The following ZEB2 variants were observed in gnomAD, a reference collection of about 807,000 sequenced individuals.
ZEB2 encodes the protein zinc finger E-box-binding homeobox 2.
Under a neutral mutation model 99.9 loss-of-function variants are expected in ZEB2, and 6 were observed. The ratio of observed to expected loss-of-function variants is 0.06; its 90% confidence interval spans 0.03 to 0.12. The LOEUF (loss-of-function observed/expected upper bound fraction) is 0.12, where lower values mean the gene tolerates loss of function less well. Among genes scored for constraint, ZEB2 ranks in the 10% least tolerant of loss-of-function variants. The pLI is 1.00. For missense variants in ZEB2, 969 were observed against 1,502.8 expected (o/e 0.64, Z 5.87); for synonymous variants, 517 against 542.5 (o/e 0.95, Z 0.65).
At chr2:144,436,767 C>A (rs1291424120) in intron 2 of ZEB2, among the ~76,000 whole-genome samples, 4 of 152,100 alleles carry the variant, frequency 2.6e-5, no homozygotes, top group Non-Finnish European at 5.9e-5. Context: ...TCCTTAATAT[C>A]AAAAATATAA....
chr2:144,421,048 T>A (rs557819610), intron 4 of ZEB2, among the ~76,000 whole-genome samples: 1 of 152,280 alleles, frequency 6.6e-6, no homozygotes, highest in Admixed American at 6.5e-5. Context: ...GCTTTCAAGT[T>A]TGGATGACTG....
chr2:144,407,034 TG>T, intron 4 of ZEB2, among the ~76,000 whole-genome samples: 1 of 152,340 alleles, frequency 6.6e-6, no homozygotes, highest in South Asian at 2.1e-4. Context: ...TTTCCAAATT[TG>T]ATGGATGGTA....
At chr2:144,510,728 CTT>C (rs1705022677) in intron 2 of ZEB2, among the ~76,000 whole-genome samples, 1 of 152,024 alleles carries the variant, frequency 6.6e-6, no homozygotes, top group Non-Finnish European at 1.5e-5. Context: ...TTCTCTCTCT[CTT>C]TCTTTTCATC....
chr2:144,513,701 C>A, intron 2 of ZEB2: 1 of 1,535,778 alleles, frequency 6.5e-7, no homozygotes, highest in South Asian at 1.2e-5. Flanking sequence ...GAATCAGGGG[C>A]AAAAGCAACA....
rs1349953899 is a variant in ZEB2 at position 144,389,584 on chromosome 2, C to T, written c.3512G>A (p.Ser1171Asn). The T allele has an allele frequency of 1.2e-6, 2 of 1,614,142 alleles. No individual in the cohort carries two copies. Among genetic ancestry groups the T allele is most frequent in the African/African-American group, 1.3e-5 (1 of 75,022 alleles). The change falls in exon 10 of 10, where the codon AGT becomes AAT. Residue 1171 changes from serine (S) to asparagine (N), a missense_variant. Physicochemically the swap from Ser to Asn is conservative, Grantham distance 46. Transcript: ENST00000627532. This position sits in a 1 kb window ranked among gnomAD's most constrained non-coding sequence, Gnocchi z 6.8. Reference protein sequence around the residue: ...EEEEEESENKSMDTDPETIRD... With the variant: ...EEEEEESENKNMDTDPETIRD... ...TATCGTTTCGGGATCCGTATCCATA[C>T]TTTTATTTTCACTTTCTTCCTCTTC...
intron 2 of ZEB2, among the ~76,000 whole-genome samples, chr2:144,455,387 A>T (rs971315206): frequency 6.6e-6 from 1 of 152,194 alleles, no homozygotes; most frequent in African/African-American, 2.4e-5. Flanking sequence ...ATAGCACTGC[A>T]GCTCCATAGT....
chr2:144,404,720 C>T, intron 5 of ZEB2, 116 bp downstream of exon 5: 1 of 1,319,324 alleles, frequency 7.6e-7, no homozygotes, highest in Non-Finnish European at 1.0e-6. Flanking sequence ...CATGAAATTC[C>T]ATGCCTCTGC....
At chr2:144,403,712 C>G (rs1270609598) in intron 6 of ZEB2, among the ~76,000 whole-genome samples, 2 of 152,142 alleles carry the variant, frequency 1.3e-5, no homozygotes, top group Non-Finnish European at 2.9e-5. Flanking sequence ...AATTAACACA[C>G]TCATTCGATC....
At chr2:144,512,915 A>G in intron 2 of ZEB2, 1 of 1,287,258 alleles carries the variant, frequency 7.8e-7, no homozygotes, top group Non-Finnish European at 1.0e-6. Flanking sequence ...CAGTGCTTTG[A>G]AAGTCAGCAA....
chr2:144,495,968 T>C (rs1328348073), intron 2 of ZEB2: 1 of 152,238 alleles, frequency 6.6e-6, no homozygotes, highest in Non-Finnish European at 1.5e-5. Flanking sequence ...TGACATGCTG[T>C]ACAAAGGCAG....
intron 4 of ZEB2, among the ~76,000 whole-genome samples, chr2:144,419,931 T>C (rs761479159): frequency 6.6e-6 from 1 of 152,224 alleles, no homozygotes; most frequent in Non-Finnish European, 1.5e-5. Context: ...GTAGTGATAC[T>C]CTAGGCTATT....
chr2:144,512,940 A>C (rs757084773), intron 2 of ZEB2: 287 of 1,287,128 alleles, frequency 2.2e-4, no homozygotes, highest in Non-Finnish European at 2.8e-4. Context: ...GGCTCCCTAG[A>C]AGCTCATCAA....
intron 4 of ZEB2, among the ~76,000 whole-genome samples, chr2:144,419,011 A>G (rs1703583198): frequency 6.6e-6 from 1 of 152,202 alleles, no homozygotes; most frequent in African/African-American, 2.4e-5. Flanking sequence ...TAAAAAATAA[A>G]TAAATAAAAA....
intron 2 of ZEB2, among the ~76,000 whole-genome samples, chr2:144,440,515 A>ATATTT (rs1703899127): frequency 3.0e-5 from 1 of 32,836 alleles, no homozygotes; most frequent in African/African-American, 7.9e-5. Flanking sequence ...ATATATATAT[A>ATATTT]TTTTTTTTTT....
At chr2:144,517,174 C>G (rs1317950437) in intron 2 of ZEB2, 104 bp downstream of exon 2, 1 of 1,423,736 alleles carries the variant, frequency 7.0e-7, no homozygotes, top group African/African-American at 1.4e-5. Context: ...GCCCTGGGCG[C>G]CGCCGCCGCC....
At chr2:144,459,723 T>C (rs530551862) in intron 2 of ZEB2, among the ~76,000 whole-genome samples, 3 of 152,186 alleles carry the variant, frequency 2.0e-5, no homozygotes, top group Admixed American at 6.6e-5. Context: ...CTGATGCTCA[T>C]GTAAAGATGA....
At chr2:144,492,543 T>TA (rs1347615680) in intron 2 of ZEB2, among the ~76,000 whole-genome samples, 2 of 152,234 alleles carry the variant, frequency 1.3e-5, no homozygotes, top group South Asian at 4.1e-4. Context: ...CTACAGGTCT[T>TA]ATGGCTTGTA....
At chr2:144,420,619 A>G (rs1235851128) in intron 4 of ZEB2, among the ~76,000 whole-genome samples, 2 of 152,104 alleles carry the variant, frequency 1.3e-5, no homozygotes, top group Non-Finnish European at 1.5e-5. Flanking sequence ...GGATTTCAGA[A>G]CCCCACAAGG....
At chr2:144,463,650 G>A (rs942773885) in intron 2 of ZEB2, 1 of 151,916 alleles carries the variant, frequency 6.6e-6, no homozygotes, top group African/African-American at 2.4e-5. Context: ...GTGACATAGT[G>A]AGACCCCGTC....
Sources: gnomAD v4.1 joint callset for allele counts (sites outside exome capture counted in the v4.1 genomes callset) on GRCh38, gnomAD v4.1.1 for gene constraint, Gnocchi (gnomAD v3.1) non-coding constraint, MANE v1.5 for transcripts, NCBI Gene and HGNC (gene_info 2026-07-23, HGNC 2026-07-21) for gene names.